Variants in APBB2 observed in about 807,000 individuals in gnomAD.
The protein encoded by APBB2 is amyloid beta precursor protein binding family B member 2, also known as Fe65-like 1.
Under a neutral mutation model 82.5 loss-of-function variants are expected in APBB2, and 38 were observed. The observed-to-expected ratio is 0.46, with a 90% CI of 0.36 to 0.60. APBB2 has a LOEUF of 0.60. APBB2 is among the 20% of genes least tolerant of loss of function. The pLI is 0.00. For missense variants in APBB2, 772 were observed against 972.3 expected, an observed-to-expected ratio of 0.79 and a Z score of 2.74; for synonymous variants, 341 against 368.2, an observed-to-expected ratio of 0.93 and a Z score of 0.85.
intron 1 of APBB2, among the ~76,000 whole-genome samples, chr4:41,143,449 C>T (rs1044448831): frequency 6.6e-6 from 1 of 152,176 alleles, no homozygotes; most frequent in African/African-American, 2.4e-5. Flanking sequence ...ATTTCATGAA[C>T]ATACTGATCT....
chr4:40,953,958 G>T (rs1338186014), intron 6 of APBB2, among the ~76,000 whole-genome samples: 1 of 152,214 alleles, frequency 6.6e-6, no homozygotes, highest in Non-Finnish European at 1.5e-5. Flanking sequence ...AGTCTCTCTT[G>T]TGCTGGGAGC....
chr4:40,930,914 A>C (rs1784081197), intron 10 of APBB2, among the ~76,000 whole-genome samples: 1 of 151,554 alleles, frequency 6.6e-6, no homozygotes, highest in African/African-American at 2.4e-5. Context: ...TGCCCAGCTA[A>C]TTTTCTGTAT....
chr4:40,868,333 G>A (rs1764564726), intron 12 of APBB2, among the ~76,000 whole-genome samples: 2 of 152,190 alleles, frequency 1.3e-5, no homozygotes, highest in African/African-American at 4.8e-5. Flanking sequence ...TTGGATTTGA[G>A]CATCACTGCT....
intron 10 of APBB2, among the ~76,000 whole-genome samples, chr4:40,932,776 A>G (rs941898431): frequency 2.0e-4 from 30 of 152,238 alleles, no homozygotes; most frequent in African/African-American, 7.0e-4. Context: ...GCCCCGTTCA[A>G]AAAGCAGGGG....
At chr4:41,040,964 T>G (rs1173747367) in intron 4 of APBB2, among the ~76,000 whole-genome samples, 1 of 152,194 alleles carries the variant, frequency 6.6e-6, no homozygotes, top group Non-Finnish European at 1.5e-5. Flanking sequence ...CACTGCAAGC[T>G]CCGCCTCCCG....
chr4:41,213,209 A>G (rs1326748768), intron 1 of APBB2, among the ~76,000 whole-genome samples: 1 of 152,182 alleles, frequency 6.6e-6, no homozygotes, highest in East Asian at 1.9e-4. Context: ...CCAACCTCAC[A>G]AAGTTTCCTC....
intron 12 of APBB2, among the ~76,000 whole-genome samples, chr4:40,869,714 T>A (rs1400067251): frequency 3.3e-5 from 5 of 152,192 alleles, no homozygotes; most frequent in African/African-American, 1.2e-4. Flanking sequence ...TGAAAAAAAT[T>A]CTAAGAATAA....
chr4:40,942,591 C>A (rs1385458915), intron 7 of APBB2, among the ~76,000 whole-genome samples: 1 of 152,016 alleles, frequency 6.6e-6, no homozygotes, highest in Non-Finnish European at 1.5e-5. Context: ...AGGAAAATAC[C>A]CTGAAAACCA....
chr4:41,037,320 T>G (rs1205226510), intron 4 of APBB2, among the ~76,000 whole-genome samples: 1 of 152,238 alleles, frequency 6.6e-6, no homozygotes, highest in Non-Finnish European at 1.5e-5. Context: ...TAATAATTTT[T>G]AAATATTGAT....
chr4:41,168,200 C>G lies in APBB2; in HGVS notation c.-416-25058G>C, dbSNP rs570658537. The stretch of plus-strand genomic sequence containing the variant: ...AGGAGAATGGCATGAACCCGGGAGG[C>G]GGAGCCTGCAGTGAGCCGAAGCCTG... On this transcript the variant is annotated intron_variant, in intron 1 of 17. Transcript: ENST00000508593. 3.7e-5 allele frequency among the ~76,000 whole-genome samples: 5 copies of G among 134,498 alleles called. No individual in the cohort carries two copies. In the South Asian group the frequency reaches 1.2e-3, roughly 32 times the overall value. The allele number at this position is 134,498 out of a possible 152,430, so 88.2% of individuals were successfully genotyped here. A position where few individuals can be genotyped will look rare whatever the true frequency, so the allele number is the denominator to read the frequency against.
At chr4:41,086,542 T>C (rs917415614) in intron 3 of APBB2, among the ~76,000 whole-genome samples, 2 of 152,144 alleles carry the variant, frequency 1.3e-5, no homozygotes, top group African/African-American at 4.8e-5. Context: ...TGCACCATGT[T>C]AACAGAACAA....
At chr4:41,063,250 G>A (rs1394588327) in intron 4 of APBB2, among the ~76,000 whole-genome samples, 1 of 152,108 alleles carries the variant, frequency 6.6e-6, no homozygotes, top group Non-Finnish European at 1.5e-5. Flanking sequence ...GGCTTTGAGG[G>A]CCAAGAGACA....
chr4:41,090,319 G>GT (rs1194279882), intron 3 of APBB2, among the ~76,000 whole-genome samples: 2 of 152,148 alleles, frequency 1.3e-5, no homozygotes, highest in Non-Finnish European at 2.9e-5. Context: ...ACAAGCTATG[G>GT]TAAGATTTTC....
intron 10 of APBB2, among the ~76,000 whole-genome samples, chr4:40,908,995 C>T (rs1467096458): frequency 6.6e-6 from 1 of 152,214 alleles, no homozygotes; most frequent in Non-Finnish European, 1.5e-5. Flanking sequence ...CAGCACTGCT[C>T]TCCACACTGT....
At chr4:40,991,646 G>GA (rs1802123751) in intron 6 of APBB2, among the ~76,000 whole-genome samples, 1 of 152,022 alleles carries the variant, frequency 6.6e-6, no homozygotes, top group Admixed American at 6.6e-5. Flanking sequence ...ACAGAGAAAA[G>GA]AAGAAAGAAA....
At chr4:41,213,135 C>G (rs2154084032) in intron 1 of APBB2, among the ~76,000 whole-genome samples, 1 of 150,848 alleles carries the variant, frequency 6.6e-6, no homozygotes, top group East Asian at 1.9e-4. Flanking sequence ...AACAACAGAT[C>G]AAACTGCCAT....
chr4:41,156,200 G>C (rs1763404451), intron 1 of APBB2, among the ~76,000 whole-genome samples: 1 of 152,044 alleles, frequency 6.6e-6, no homozygotes, highest in Non-Finnish European at 1.5e-5. Context: ...ATAGGAAAAG[G>C]AGAAGAACAG....
chr4:41,209,280 A>G (rs1325127807), intron 1 of APBB2, among the ~76,000 whole-genome samples: 3 of 152,210 alleles, frequency 2.0e-5, no homozygotes, highest in Non-Finnish European at 4.4e-5. Flanking sequence ...AGCAAAATGC[A>G]CTAAAAACAC....
intron 3 of APBB2, among the ~76,000 whole-genome samples, chr4:41,066,303 G>A (rs768456885): frequency 1.1e-4 from 17 of 152,126 alleles, no homozygotes; most frequent in Non-Finnish European, 2.2e-4. Context: ...TGACTCCTAC[G>A]CAGAAATTAT....
Sources: allele counts gnomAD v4.1 joint callset (sites outside exome capture counted in the v4.1 genomes callset), GRCh38; gene constraint gnomAD v4.1.1; transcripts MANE v1.5; gene names NCBI Gene and HGNC (gene_info 2026-07-23, HGNC 2026-07-21).